Variants in ATM observed in about 807,000 individuals in gnomAD.
ATM encodes the protein ATM serine/threonine kinase.
ATM carries 308 observed loss-of-function variants against 387.0 expected under a neutral mutation model. The observed-to-expected ratio is 0.80, with a 90% CI of 0.73 to 0.87. The LOEUF (loss-of-function observed/expected upper bound fraction) is 0.87, where lower values mean the gene tolerates loss of function less well. ATM is among the 40% of genes least tolerant of loss of function. ATM has a pLI of 0.00. For missense variants in ATM, 3,312 were observed against 3,560.9 expected (o/e 0.93, Z 1.78); for synonymous variants, 1,156 against 1,187.3 (o/e 0.97, Z 0.54).
chr11:108,350,373 G>A (rs982786251), intron 59 of ATM, among the ~76,000 whole-genome samples: 17 of 152,278 alleles, frequency 1.1e-4, no homozygotes, highest in Middle Eastern at 3.4e-3. Flanking sequence ...AGAAATCTCA[G>A]TCAAATTTGA....
intron 22 of ATM, among the ~76,000 whole-genome samples, chr11:108,278,402 AGTG>A (rs1329095685): frequency 1.3e-5 from 2 of 152,232 alleles, no homozygotes; most frequent in Non-Finnish European, 2.9e-5. Context: ...GCGGCAGTGT[AGTG>A]GTGGCATTAA....
At chr11:108,342,109 T>C (rs1178724548) in intron 56 of ATM, among the ~76,000 whole-genome samples, 1 of 152,202 alleles carries the variant, frequency 6.6e-6, no homozygotes, top group Non-Finnish European at 1.5e-5. Flanking sequence ...TTTTCTTTTT[T>C]AGCTCATCAG....
intron 16 of ATM, among the ~76,000 whole-genome samples, chr11:108,261,600 T>C (rs990240409): frequency 6.6e-5 from 10 of 152,232 alleles, no homozygotes; most frequent in African/African-American, 2.4e-4. Flanking sequence ...AGGAACGCAG[T>C]TCCTCACCAG....
At chr11:108,237,847 C>G (rs2079356762) in intron 5 of ATM, among the ~76,000 whole-genome samples, 1 of 147,074 alleles carries the variant, frequency 6.8e-6, no homozygotes, top group South Asian at 2.1e-4. Context: ...GAAATCTTAA[C>G]AATGTGGAGT....
chr11:108,277,323 G>C (rs1158738980), intron 22 of ATM, among the ~76,000 whole-genome samples: 1 of 152,184 alleles, frequency 6.6e-6, no homozygotes, highest in Non-Finnish European at 1.5e-5. Flanking sequence ...GGGATCCGCT[G>C]AGCTAGACCA....
intron 22 of ATM, among the ~76,000 whole-genome samples, chr11:108,273,485 G>A (rs1474008481): frequency 1.3e-5 from 2 of 151,522 alleles, no homozygotes; most frequent in East Asian, 3.9e-4. Flanking sequence ...GGGATTACAG[G>A]CGCCTGCCAC....
At chr11:108,341,262 C>T (rs1229666494) in intron 56 of ATM, among the ~76,000 whole-genome samples, 1 of 152,142 alleles carries the variant, frequency 6.6e-6, no homozygotes, top group Non-Finnish European at 1.5e-5. Flanking sequence ...CAGATCTTCA[C>T]ACCAGTCACT....
At chr11:108,262,100 A>G (rs571240593) in intron 16 of ATM, among the ~76,000 whole-genome samples, 50 of 151,114 alleles carry the variant, frequency 3.3e-4, no homozygotes, top group African/African-American at 1.2e-3. Flanking sequence ...CTAGCAAGGC[A>G]GGCCAACATT....
chr11:108,326,781 A>G (rs2085722190), intron 47 of ATM, among the ~76,000 whole-genome samples: 1 of 152,206 alleles, frequency 6.6e-6, no homozygotes, highest in Non-Finnish European at 1.5e-5. Flanking sequence ...TCCCACAGAC[A>G]TGTACCTGCT....
At chr11:108,241,484 C>G (rs2135191030) in intron 5 of ATM, among the ~76,000 whole-genome samples, 1 of 152,196 alleles carries the variant, frequency 6.6e-6, no homozygotes, top group Middle Eastern at 3.4e-3. Context: ...AGTATCACCA[C>G]AAATGCTTGT....
rs529850311 is a variant in ATM at position 108,296,230 on chromosome 11, TTCC to T, written c.4910-1055_4910-1053del. On this transcript the variant is annotated intron_variant, in intron 32 of 62. Coordinates refer to ENST00000675843, the MANE Select transcript of ATM (RefSeq NM_000051.4). ...TCTACTTTGTGTTTTGATTTTCATCTTCCTATACCAATTAATTTCATATTTCTT... is the reference window on the plus strand; with the variant it reads ...TCTACTTTGTGTTTTGATTTTCATCTTATACCAATTAATTTCATATTTCTT... Among the ~76,000 whole-genome samples the T allele has an allele frequency of 6.0e-3, 634 of 106,550 alleles. 3 individuals are homozygous for T. The highest frequency in any genetic ancestry group is 0.011 in the Non-Finnish European group (492 of 45,656). 69.9% of individuals were successfully genotyped at this position (106,550 alleles called of 152,430 possible). A position where few individuals can be genotyped will look rare whatever the true frequency, so the allele number is the denominator to read the frequency against.
chr11:108,246,440 A>AT (rs2079851558), intron 7 of ATM, among the ~76,000 whole-genome samples: 1 of 152,204 alleles, frequency 6.6e-6, no homozygotes, highest in South Asian at 2.1e-4. Flanking sequence ...TTTGTGAGAA[A>AT]TAATAGACCT....
intron 4 of ATM, among the ~76,000 whole-genome samples, chr11:108,234,563 A>T (rs185957797): frequency 6.6e-6 from 1 of 152,250 alleles, no homozygotes; most frequent in African/African-American, 2.4e-5. Context: ...GGGGTCAAGC[A>T]CAGTGGCTCA....
At chr11:108,365,013 T>A (rs2137859093) in intron 61 of ATM, 69 bp from the exon 62 acceptor site, 1 of 1,555,684 alleles carries the variant, frequency 6.4e-7, no homozygotes, top group Non-Finnish European at 8.8e-7. Context: ...ATGATACTGG[T>A]TCTACTGTTT....
chr11:108,242,104 T>C (rs1393837281), intron 5 of ATM, among the ~76,000 whole-genome samples: 2 of 151,756 alleles, frequency 1.3e-5, no homozygotes, highest in Non-Finnish European at 2.9e-5. Flanking sequence ...GGCAGTGTAG[T>C]GAGACTTCCG....
At chr11:108,363,521 C>T (rs1490788892) in intron 61 of ATM, among the ~76,000 whole-genome samples, 4 of 152,138 alleles carry the variant, frequency 2.6e-5, no homozygotes, top group African/African-American at 9.7e-5. Flanking sequence ...TGTCTGGAGG[C>T]ATTTTTATTG....
chr11:108,310,922 T>C (rs916468905), intron 39 of ATM, among the ~76,000 whole-genome samples: 1 of 152,006 alleles, frequency 6.6e-6, no homozygotes, highest in Non-Finnish European at 1.5e-5. Flanking sequence ...AAAGTAAGAG[T>C]AAAAAATAAA....
intron 20 of ATM, 50 bp downstream of exon 20, chr11:108,271,456 T>C (rs973181050): frequency 1.2e-6 from 2 of 1,605,464 alleles, no homozygotes; most frequent in Admixed American, 3.3e-5. Flanking sequence ...TATCTGTGGA[T>C]ACGAATGCAA....
At chr11:108,336,885 C>T (rs2086915445) in intron 56 of ATM, among the ~76,000 whole-genome samples, 1 of 152,062 alleles carries the variant, frequency 6.6e-6, no homozygotes, top group African/African-American at 2.4e-5. Flanking sequence ...AACAATAAAT[C>T]CTTATTTTGA....
Sources: gnomAD v4.1 joint callset for allele counts (sites outside exome capture counted in the v4.1 genomes callset) on GRCh38, gnomAD v4.1.1 for gene constraint, MANE v1.5 for transcripts, NCBI Gene and HGNC (gene_info 2026-07-23, HGNC 2026-07-21) for gene names.